The following TENM3 variants were observed in gnomAD, a reference collection of about 807,000 sequenced individuals.
TENM3 encodes teneurin transmembrane protein 3.
Under a neutral mutation model 255.1 loss-of-function variants are expected in TENM3, and 63 were observed. That is an observed-to-expected ratio of 0.25 (90% CI 0.20 to 0.30). The LOEUF (loss-of-function observed/expected upper bound fraction) is 0.30. Among genes scored for constraint, TENM3 ranks in the 10% least tolerant of loss-of-function variants. The probability of loss-of-function intolerance (pLI) is 1.00; values close to 1 mark genes in which losing one functional copy is unlikely to be tolerated. For synonymous variants in TENM3, 1,306 were observed against 1,322.3 expected (o/e 0.99, Z 0.27); for missense variants, 2,929 against 3,461.1 (o/e 0.85, Z 3.86).
chr4:182,101,372 G>A, the TENM3 span, among the ~76,000 whole-genome samples: 1 of 151,636 alleles, frequency 6.6e-6, no homozygotes, highest in African/African-American at 2.4e-5. Context: ...GGGAGGGAAG[G>A]AAGGAAGGAA....
intron 1 of TENM3, among the ~76,000 whole-genome samples, chr4:182,283,762 A>G (rs534209918): frequency 1.3e-5 from 2 of 152,336 alleles, no homozygotes; most frequent in East Asian, 3.9e-4. Context: ...TCAGAAAGGA[A>G]AGAAAGAATG....
At chr4:182,767,570 A>ATGTG (rs779926501) in intron 22 of TENM3, among the ~76,000 whole-genome samples, 1 of 152,082 alleles carries the variant, frequency 6.6e-6, no homozygotes, top group Non-Finnish European at 1.5e-5. Context: ...TCTGTATAAA[A>ATGTG]TGTGTGTGTG....
chr4:182,379,368 A>G (rs1767410792), intron 3 of TENM3, among the ~76,000 whole-genome samples: 1 of 152,168 alleles, frequency 6.6e-6, no homozygotes, highest in African/African-American at 2.4e-5. Context: ...GAAAGAAAAA[A>G]GGGTATTGCA....
At chr4:181,888,965 C>T in the TENM3 span, among the ~76,000 whole-genome samples, 2 of 151,900 alleles carry the variant, frequency 1.3e-5, no homozygotes, top group African/African-American at 2.4e-5. Flanking sequence ...TGTCAGTTCA[C>T]GATTCAAATG....
chr4:182,421,953 T>C (rs951075099), intron 3 of TENM3, among the ~76,000 whole-genome samples: 5 of 152,174 alleles, frequency 3.3e-5, no homozygotes, highest in Admixed American at 2.6e-4. Context: ...GCTTTGCAAC[T>C]TGGCTTTTAC....
the TENM3 span, among the ~76,000 whole-genome samples, chr4:181,642,232 T>G: frequency 2.0e-5 from 3 of 149,482 alleles, no homozygotes; most frequent in Non-Finnish European, 4.5e-5. Flanking sequence ...GTGATGATGA[T>G]TTTTTTTCAT....
At chr4:181,461,816 C>T in the TENM3 span, among the ~76,000 whole-genome samples, 4 of 152,018 alleles carry the variant, frequency 2.6e-5, no homozygotes, top group Admixed American at 6.6e-5. Flanking sequence ...ATGTTCTTTC[C>T]GGATAATTCC....
At position 182,393,894 on chromosome 4, in the gene TENM3, A is replaced by T. The variant is rs928527638; in HGVS notation, c.511+46965A>T. 4.5e-4 allele frequency among the ~76,000 whole-genome samples: 69 copies of T among 152,184 alleles called. 1 individual carries two copies. The highest frequency in any genetic ancestry group is 2.2e-4 in the Non-Finnish European group (15 of 68,032). ...AGAAACTATTGGATATCAGATACCA[A>T]CTGAAATGTGGCCAACTTGATATTA... On this transcript the variant is annotated intron_variant, in intron 3 of 27. Coordinates refer to ENST00000511685, the MANE Select transcript of TENM3 (RefSeq NM_001080477.4).
chr4:181,889,557 TTTAA>T, the TENM3 span, among the ~76,000 whole-genome samples: 1 of 152,316 alleles, frequency 6.6e-6, no homozygotes, highest in Admixed American at 6.5e-5. Flanking sequence ...ATCAATACTA[TTTAA>T]TGATCGTGGT....
chr4:181,918,379 T>G, the TENM3 span, among the ~76,000 whole-genome samples: 1 of 152,180 alleles, frequency 6.6e-6, no homozygotes, highest in African/African-American at 2.4e-5. Context: ...GTAAATATAT[T>G]TTTTAATTGC....
At chr4:181,577,528 C>T in the TENM3 span, among the ~76,000 whole-genome samples, 1 of 152,118 alleles carries the variant, frequency 6.6e-6, no homozygotes, top group Non-Finnish European at 1.5e-5. Flanking sequence ...TCTTTCCCAA[C>T]ATTATCTCTG....
chr4:181,802,646 T>C, the TENM3 span, among the ~76,000 whole-genome samples: 1 of 152,248 alleles, frequency 6.6e-6, no homozygotes, highest in Non-Finnish European at 1.5e-5. Flanking sequence ...CTCTGTATTG[T>C]CAGTGAGGCA....
At chr4:181,522,869 T>C in the TENM3 span, 2 of 999,540 alleles carry the variant, frequency 2.0e-6, no homozygotes, top group South Asian at 1.3e-5. Flanking sequence ...GTGTTTGTGC[T>C]GTTATTGTGG....
the TENM3 span, among the ~76,000 whole-genome samples, chr4:182,028,914 C>T: frequency 6.6e-6 from 1 of 152,086 alleles, no homozygotes; most frequent in Non-Finnish European, 1.5e-5. Context: ...GAATGTGTAT[C>T]CTGCAATCAT....
chr4:182,283,190 T>C (rs1760508018), intron 1 of TENM3, among the ~76,000 whole-genome samples: 1 of 152,224 alleles, frequency 6.6e-6, no homozygotes, highest in African/African-American at 2.4e-5. Flanking sequence ...TGTTTAATTG[T>C]GTAATAATTA....
the TENM3 span, among the ~76,000 whole-genome samples, chr4:181,599,659 G>T: frequency 2.0e-5 from 3 of 152,148 alleles, no homozygotes; most frequent in Non-Finnish European, 4.4e-5. Context: ...TCTGGGCAAG[G>T]TGTGGTAATA....
intron 4 of TENM3, among the ~76,000 whole-genome samples, chr4:182,608,405 T>C (rs1748638498): frequency 6.6e-6 from 1 of 152,202 alleles, no homozygotes; most frequent in Non-Finnish European, 1.5e-5. Context: ...ACTACAGGTG[T>C]GGCATGGTGC....
the TENM3 span, among the ~76,000 whole-genome samples, chr4:182,023,677 T>C: frequency 6.6e-6 from 1 of 152,222 alleles, no homozygotes; most frequent in Non-Finnish European, 1.5e-5. Context: ...GTTTGTTCAT[T>C]TGTTTGCGTG....
the TENM3 span, among the ~76,000 whole-genome samples, chr4:182,066,716 C>G: frequency 6.6e-6 from 1 of 151,712 alleles, no homozygotes; most frequent in Non-Finnish European, 1.5e-5. Context: ...CGAGACCGTC[C>G]TGGCTAACAC....
Sources: gnomAD v4.1 joint callset for allele counts (sites outside exome capture counted in the v4.1 genomes callset) on GRCh38, gnomAD v4.1.1 for gene constraint, MANE v1.5 for transcripts, NCBI Gene and HGNC (gene_info 2026-07-23, HGNC 2026-07-21) for gene names.